Variants in NACC2 observed in about 807,000 individuals in gnomAD.
NACC2 encodes the protein nucleus accumbens-associated protein 2.
In NACC2, 8 loss-of-function variants were observed where a neutral mutation model predicts 25.1. The observed-to-expected ratio is 0.32, with a 90% CI of 0.19 to 0.57. The LOEUF (loss-of-function observed/expected upper bound fraction) is 0.57, where lower values mean the gene tolerates loss of function less well. Ranked by LOEUF, NACC2 falls within the 20% of genes least tolerant of loss-of-function variation. NACC2 has a pLI of 0.89. For missense variants in NACC2, 644 were observed against 650.2 expected (o/e 0.99, Z 0.10); for synonymous variants, 435 against 294.7 (o/e 1.48, Z -4.88).
At chr9:136,093,037 C>T (rs7044622) in intron 1 of NACC2, among the ~76,000 whole-genome samples, 1 of 152,146 alleles carries the variant, frequency 6.6e-6, no homozygotes, top group East Asian at 1.9e-4. Context: ...ACTGGGCACT[C>T]GGTGCCCTGT....
chr9:136,072,285 T>G, intron 1 of NACC2, among the ~76,000 whole-genome samples: 1 of 150,716 alleles, frequency 6.6e-6, no homozygotes, highest in East Asian at 2.0e-4. Context: ...GTGGCTCATG[T>G]CTGTAATCCC....
chr9:136,059,658 G>A (rs1840980649), intron 1 of NACC2, among the ~76,000 whole-genome samples: 1 of 152,218 alleles, frequency 6.6e-6, no homozygotes, highest in Non-Finnish European at 1.5e-5. Flanking sequence ...ACTTCCAGCC[G>A]GCCACGGGGA....
intron 1 of NACC2, among the ~76,000 whole-genome samples, chr9:136,052,700 C>G (rs997647868): frequency 6.6e-6 from 1 of 152,184 alleles, no homozygotes; most frequent in Non-Finnish European, 1.5e-5. Context: ...AACCAGGAGC[C>G]GGAAGGGGCA....
At chr9:136,064,569 C>T (rs1841057382) in intron 1 of NACC2, among the ~76,000 whole-genome samples, 1 of 152,176 alleles carries the variant, frequency 6.6e-6, no homozygotes, top group African/African-American at 2.4e-5. Flanking sequence ...AGAAGTAAAA[C>T]ATCCATATTC....
chr9:136,024,377 T>TA (rs1840351756), intron 2 of NACC2, among the ~76,000 whole-genome samples: 1 of 142,982 alleles, frequency 7.0e-6, no homozygotes, highest in Admixed American at 6.9e-5. Flanking sequence ...AGAAGGTGTG[T>TA]GTGTGAGGAC....
chr9:136,026,435 C>T (rs1840391154), intron 2 of NACC2, among the ~76,000 whole-genome samples: 1 of 151,356 alleles, frequency 6.6e-6, no homozygotes, highest in Non-Finnish European at 1.5e-5. Flanking sequence ...TTGGGGAAAG[C>T]CTAACATACA....
At chr9:136,087,296 CCTGTGGGCT>C (rs1158225938) in intron 1 of NACC2, among the ~76,000 whole-genome samples, 1 of 152,228 alleles carries the variant, frequency 6.6e-6, no homozygotes, top group Non-Finnish European at 1.5e-5. Flanking sequence ...TGCCACCAAA[CCTGTGGGCT>C]CTGTCGTGGT....
intron 3 of NACC2, among the ~76,000 whole-genome samples, chr9:136,016,062 A>G (rs1840197304): frequency 6.6e-6 from 1 of 152,242 alleles, no homozygotes; most frequent in Non-Finnish European, 1.5e-5. Context: ...CGACCAGCCC[A>G]GGGGATTCAA....
intron 2 of NACC2, among the ~76,000 whole-genome samples, chr9:136,027,275 C>T (rs1840406658): frequency 2.6e-5 from 4 of 152,114 alleles, no homozygotes. Flanking sequence ...AAACAAAACC[C>T]AAGAGAAAAC....
rs1840309357 is a variant in NACC2, at chr9:136,022,680, C to T, written c.887-6251G>A. Reference sequence around the variant, plus strand: ...TCCCCAGGGCCTGGCACACAGCATGCGCCTAACACACAGGGCCCATCAACT... The same window carrying T: ...TCCCCAGGGCCTGGCACACAGCATGTGCCTAACACACAGGGCCCATCAACT... On this transcript the variant is annotated intron_variant, in intron 2 of 5. Coordinates refer to ENST00000277554, the MANE Select transcript of NACC2 (RefSeq NM_144653.5). The surrounding 1 kb of genome is among the most constrained non-coding windows in gnomAD (Gnocchi z 4.4). 6.6e-6 allele frequency among the ~76,000 whole-genome samples: 1 copy of T among 152,108 alleles called. No individual in the cohort carries two copies. The highest frequency in any genetic ancestry group is 1.5e-5 in the Non-Finnish European group (1 of 68,024).
At chr9:136,072,626 C>A (rs1468579164) in intron 1 of NACC2, among the ~76,000 whole-genome samples, 2 of 151,972 alleles carry the variant, frequency 1.3e-5, no homozygotes, top group African/African-American at 4.8e-5. Flanking sequence ...CCGAGGCGGG[C>A]GGATCACCTG....
At chr9:136,046,227 C>A (rs892920289) in intron 2 of NACC2, among the ~76,000 whole-genome samples, 2 of 152,062 alleles carry the variant, frequency 1.3e-5, no homozygotes, top group African/African-American at 2.4e-5. Flanking sequence ...GCAGGCATTT[C>A]GCAATCTCTA....
At chr9:136,087,078 G>A (rs1830386930) in intron 1 of NACC2, among the ~76,000 whole-genome samples, 1 of 152,248 alleles carries the variant, frequency 6.6e-6, no homozygotes, top group African/African-American at 2.4e-5. Flanking sequence ...ATGCACAGAA[G>A]GAAGGTGGCC....
chr9:136,089,600 T>C (rs1830415169), intron 1 of NACC2, among the ~76,000 whole-genome samples: 1 of 147,814 alleles, frequency 6.8e-6, no homozygotes, highest in South Asian at 2.1e-4. Context: ...CTCCCCCAAC[T>C]CATGTACCTC....
At position 136,055,370 on chromosome 9, in the gene NACC2, G is replaced by A. The variant is rs1022795717; in HGVS notation, c.-59-4790C>T. 3.1e-4 allele frequency among the ~76,000 whole-genome samples: 47 copies of A among 152,224 alleles called. No homozygotes were observed. The highest frequency in any genetic ancestry group is 1.1e-3 in the African/African-American group (46 of 41,546). ...CTGGGTCCTGGCATCAAGTACCCAGGAGCAGAGGCTCTGGCAGGTACAAGA... is the reference window on the plus strand; with the variant it reads ...CTGGGTCCTGGCATCAAGTACCCAGAAGCAGAGGCTCTGGCAGGTACAAGA... On this transcript the variant is annotated intron_variant, in intron 1 of 5. Coordinates refer to ENST00000277554, the MANE Select transcript of NACC2 (RefSeq NM_144653.5). The surrounding 1 kb of genome is among the most constrained non-coding windows in gnomAD (Gnocchi z 4.9).
rs912779970 is a variant in NACC2 at position 136,033,456 on chromosome 9, G to A, written c.886+16180C>T. ...GTCAGGAGTTCAAGACCAGCCCAGCGAACATGGTGAAACCCCTACTAAACC... is the reference window on the plus strand; with the variant it reads ...GTCAGGAGTTCAAGACCAGCCCAGCAAACATGGTGAAACCCCTACTAAACC... On this transcript the variant is annotated intron_variant, in intron 2 of 5. Coordinates refer to ENST00000277554, the MANE Select transcript of NACC2 (RefSeq NM_144653.5). Among the ~76,000 whole-genome samples the A allele has an allele frequency of 6.0e-5, 8 of 134,344 alleles. No individual in the cohort carries two copies. The East Asian group carries it at 1.0e-3, about 17-fold the overall frequency. The allele number at this position is 134,344 out of a possible 152,430, so 88.1% of individuals were successfully genotyped here.
In NACC2 at chr9:136,006,598, A is replaced by G. The variant is rs1174501120; in HGVS notation, c.*4918T>C. 1 of 152,272 alleles carries G rather than the reference A, an allele frequency of 6.6e-6. No homozygotes were observed. The highest frequency in any genetic ancestry group is 1.5e-5 in the Non-Finnish European group (1 of 68,050). 9.4% of individuals were successfully genotyped at this position (152,272 alleles called of 1,614,324 possible). On this transcript the variant is annotated 3_prime_UTR_variant, in exon 6 of 6. Transcript: ENST00000277554. Reference sequence around the variant, plus strand: ...AATTTTACAAAGCGCTTTACAATTAATGATCACATCCTTTTGTTTGTCATG... The same window carrying G: ...AATTTTACAAAGCGCTTTACAATTAGTGATCACATCCTTTTGTTTGTCATG...
chr9:136,030,975 T>G (rs1375189101), intron 2 of NACC2, among the ~76,000 whole-genome samples: 1 of 152,042 alleles, frequency 6.6e-6, no homozygotes, highest in Non-Finnish European at 1.5e-5. Flanking sequence ...CATCTCAACT[T>G]TAGACGGAGC....
intron 2 of NACC2, among the ~76,000 whole-genome samples, chr9:136,047,695 C>T (rs1278547650): frequency 2.0e-5 from 3 of 152,282 alleles, no homozygotes; most frequent in African/African-American, 4.8e-5. Context: ...AGCTGCCTCC[C>T]GTCCCCACCC....
Sources: allele counts gnomAD v4.1 joint callset (sites outside exome capture counted in the v4.1 genomes callset), GRCh38; gene constraint gnomAD v4.1.1; non-coding constraint Gnocchi (gnomAD v3.1); transcripts MANE v1.5; gene names NCBI Gene and HGNC (gene_info 2026-07-23, HGNC 2026-07-21).